The following CRYBB1 variants were observed in gnomAD, a reference collection of about 807,000 sequenced individuals.
CRYBB1 encodes the protein beta-crystallin B1.
Under a neutral mutation model 29.5 loss-of-function variants are expected in CRYBB1, and 16 were observed. The ratio of observed to expected loss-of-function variants is 0.54; its 90% CI spans 0.37 to 0.82. The LOEUF is 0.82. CRYBB1 is among the 40% of genes least tolerant of loss of function. The pLI is 0.00. For synonymous variants in CRYBB1, 127 were observed against 136.7 expected, an observed-to-expected ratio of 0.93 and a Z score of 0.49; for missense variants, 300 against 350.5, an observed-to-expected ratio of 0.86 and a Z score of 1.15.
At chr22:26,616,383 C>T (rs1929356802) in intron 1 of CRYBB1, 45 bp from the exon 2 acceptor site, 1 of 1,331,878 alleles carries the variant, frequency 7.5e-7, no homozygotes, top group Non-Finnish European at 1.1e-6. Context: ...CCCAAACTGC[C>T]TCCTGCCCTC....
rs187523351 is a variant in CRYBB1, at chr22:26,605,805, G to T, written c.432+2084C>A. 5.9e-5 allele frequency among the ~76,000 whole-genome samples: 9 copies of T among 151,658 alleles called. No homozygotes were observed. The East Asian group carries it at 7.8e-4, about 13-fold the overall frequency. ...TCTAACTTCCCACGACAGGGGGCTG[G>T]AAAGGAGTCAGGGAACCCAGCAGGG... On this transcript the variant is annotated intron_variant, in intron 4 of 5. Coordinates refer to ENST00000647684, the MANE Select transcript of CRYBB1 (RefSeq NM_001887.4).
intron 3 of CRYBB1, among the ~76,000 whole-genome samples, chr22:26,611,454 G>GTTTTT (rs751632589): frequency 4.2e-5 from 6 of 142,688 alleles, no homozygotes; most frequent in African/African-American, 1.3e-4. Flanking sequence ...GCTAGAGTTT[G>GTTTTT]TTTTTTTTTT....
At chr22:26,613,222 C>T (rs532850686) in intron 2 of CRYBB1, among the ~76,000 whole-genome samples, 1 of 152,340 alleles carries the variant, frequency 6.6e-6, no homozygotes, top group African/African-American at 2.4e-5. Flanking sequence ...CTTGCTGTTC[C>T]AAGTTGGGAC....
At chr22:26,601,506 C>G (rs1202548255) in intron 5 of CRYBB1, among the ~76,000 whole-genome samples, 1 of 151,768 alleles carries the variant, frequency 6.6e-6, no homozygotes, top group African/African-American at 2.4e-5. Context: ...TCTGTTCATT[C>G]TCCCAGAAGC....
chr22:26,606,998 C>T (rs1472892537), intron 4 of CRYBB1, among the ~76,000 whole-genome samples: 2 of 147,308 alleles, frequency 1.4e-5, no homozygotes, highest in Non-Finnish European at 3.0e-5. Context: ...GTTCAAGCTG[C>T]GTTTCTACAG....
At chr22:26,613,228 G>C (rs1929236371) in intron 2 of CRYBB1, among the ~76,000 whole-genome samples, 1 of 152,208 alleles carries the variant, frequency 6.6e-6, no homozygotes, top group African/African-American at 2.4e-5. Flanking sequence ...GTTCCAAGTT[G>C]GGACAACGTT....
At position 26,599,369 on chromosome 22, in the gene CRYBB1, C is replaced by G; in HGVS notation, c.*121G>C. 1.1e-6 allele frequency: 1 copy of G among 905,062 alleles called. No individual in the cohort carries two copies. Among genetic ancestry groups the G allele is most frequent in the Non-Finnish European group, 1.7e-6 (1 of 571,846 alleles). The allele number at this position is 905,062 out of a possible 1,614,324, so 56.1% of individuals were successfully genotyped here. On this transcript the variant is annotated 3_prime_UTR_variant, in exon 6 of 6. Coordinates refer to ENST00000647684, the MANE Select transcript of CRYBB1 (RefSeq NM_001887.4). Reference sequence around the variant, plus strand: ...TAACTATGGGGGACCTCAAGGCACACATCTGTTTACAGATCCAGGAGAAAT... The same window carrying G: ...TAACTATGGGGGACCTCAAGGCACAGATCTGTTTACAGATCCAGGAGAAAT...
intron 3 of CRYBB1, 115 bp from the exon 4 acceptor site, chr22:26,608,136 G>A: frequency 2.0e-6 from 3 of 1,464,098 alleles, no homozygotes; most frequent in Non-Finnish European, 2.8e-6. Flanking sequence ...CAGTAGGAAA[G>A]TCCAAAGGGG....
At chr22:26,612,893 GC>G (rs1602330202) in intron 2 of CRYBB1, among the ~76,000 whole-genome samples, 1 of 152,036 alleles carries the variant, frequency 6.6e-6, no homozygotes, top group East Asian at 1.9e-4. Context: ...TCCTCCATCG[GC>G]CTTGGTTGAG....
chr22:26,600,136 TC>T (rs1312804218), intron 5 of CRYBB1, among the ~76,000 whole-genome samples: 1 of 152,116 alleles, frequency 6.6e-6, no homozygotes, highest in Non-Finnish European at 1.5e-5. Flanking sequence ...GCGCGGTGGC[TC>T]AAGCCTGTAA....
chr22:26,609,078 A>T (rs1301639948), intron 3 of CRYBB1, among the ~76,000 whole-genome samples: 3 of 152,124 alleles, frequency 2.0e-5, no homozygotes, highest in Non-Finnish European at 4.4e-5. Flanking sequence ...GAACTCCTTG[A>T]CCTTTGCTCC....
rs748153844 is a variant in CRYBB1, at chr22:26,601,878, C to T, written c.575+1G>A. On this transcript the variant is annotated splice_donor_variant, in intron 5 of 5. Transcript: ENST00000647684. LOFTEE classifies it high-confidence loss of function. ...GCGGACCTGGCAGGAGGGATGCTTA[C>T]GTTCCACTGGAGACCTTCACGCTGC... 9 of 1,611,962 alleles carry T rather than the reference C, an allele frequency of 5.6e-6. No homozygotes were observed. The highest frequency in any genetic ancestry group is 2.2e-4 in the Middle Eastern group (1 of 4,556).
intron 4 of CRYBB1, among the ~76,000 whole-genome samples, chr22:26,607,219 C>T (rs925328159): frequency 2.6e-5 from 4 of 151,792 alleles, no homozygotes; most frequent in Non-Finnish European, 5.9e-5. Context: ...GACGGGGTTT[C>T]GTCATGTTGA....
At chr22:26,604,691 G>A (rs1446318119) in intron 4 of CRYBB1, among the ~76,000 whole-genome samples, 3 of 152,208 alleles carry the variant, frequency 2.0e-5, no homozygotes, top group African/African-American at 7.2e-5. Context: ...TATCTGTGTG[G>A]CCAGGGTGCA....
At chr22:26,610,091 G>A (rs891299671) in intron 3 of CRYBB1, among the ~76,000 whole-genome samples, 1 of 152,182 alleles carries the variant, frequency 6.6e-6, no homozygotes, top group Non-Finnish European at 1.5e-5. Flanking sequence ...TCTTCAGCAG[G>A]ACCAGTGAGG....
At position 26,612,194 on chromosome 22, in the gene CRYBB1, C is replaced by T; in HGVS notation, c.181-4G>A. 1.2e-6 allele frequency: 2 copies of T among 1,605,568 alleles called. No homozygotes were observed. The highest frequency in any genetic ancestry group is 1.1e-5 in the South Asian group (1 of 90,896). On this transcript the variant is annotated splice_polypyrimidine_tract_variant and splice_region_variant and intron_variant, in intron 2 of 5. Coordinates refer to ENST00000647684, the MANE Select transcript of CRYBB1 (RefSeq NM_001887.4). ...TTTCCAGTTCGAAGACCACCAGCTG[C>T]AGGAGAGAAGCCCCCATGCCAAGGG...
chr22:26,611,084 CT>C (rs1044485148), intron 3 of CRYBB1, among the ~76,000 whole-genome samples: 8 of 152,172 alleles, frequency 5.3e-5, no homozygotes, highest in African/African-American at 1.9e-4. Flanking sequence ...ATGGGAGTCA[CT>C]AAGGCCCAGA....
chr22:26,616,712 A>G (rs1162885275), intron 1 of CRYBB1, among the ~76,000 whole-genome samples: 1 of 152,158 alleles, frequency 6.6e-6, no homozygotes, highest in Non-Finnish European at 1.5e-5. Context: ...CCCATTTGGG[A>G]GTACTTAAGG....
intron 2 of CRYBB1, 60 bp downstream of exon 2, chr22:26,616,080 G>C (rs1213346659): frequency 3.1e-6 from 4 of 1,308,444 alleles, no homozygotes; most frequent in Non-Finnish European, 4.4e-6. Context: ...AGAAGAAGGA[G>C]GAGGAGGGAA....
Sources: gnomAD v4.1 joint callset for allele counts (sites outside exome capture counted in the v4.1 genomes callset) on GRCh38, gnomAD v4.1.1 for gene constraint, MANE v1.5 for transcripts, NCBI Gene and HGNC (gene_info 2026-07-23, HGNC 2026-07-21) for gene names.